The following AUTS2 variants were observed in gnomAD, a reference collection of about 807,000 sequenced individuals.
AUTS2 encodes activator of transcription and developmental regulator AUTS2.
AUTS2 carries 17 observed loss-of-function variants against 112.4 expected under a neutral mutation model. That is an observed-to-expected ratio of 0.15 (90% confidence interval 0.10 to 0.23). The LOEUF (loss-of-function observed/expected upper bound fraction) is 0.23. Ranked by LOEUF, AUTS2 falls within the 10% of genes least tolerant of loss-of-function variation. The pLI, the probability that AUTS2 is intolerant of heterozygous loss-of-function variation, is 1.00. For synonymous variants in AUTS2, 751 were observed against 702.7 expected, an observed-to-expected ratio of 1.07 and a Z score of -1.09; for missense variants, 1,510 against 1,701.6, an observed-to-expected ratio of 0.89 and a Z score of 1.98.
rs182412555 is a variant in AUTS2, at chr7:70,134,641, T to G, written c.660+70T>G. 1.0e-5 allele frequency: 14 copies of G among 1,390,560 alleles called. No homozygotes were observed. In the East Asian group the frequency reaches 3.2e-4, roughly 32 times the overall value. The allele number at this position is 1,390,560 out of a possible 1,614,324, so 86.1% of individuals were successfully genotyped here. On this transcript the variant is annotated intron_variant, in intron 4 of 18. Coordinates refer to ENST00000342771, the MANE Select transcript of AUTS2 (RefSeq NM_015570.4). ...GATTTCCTTCTATAATGAATGCTCA[T>G]TGGGATATGAAAAAAAATCTGAGAA...
In AUTS2 at chr7:69,886,377, T is replaced by G. The variant is rs1202621081; in HGVS notation, c.310-12909T>G. Among the ~76,000 whole-genome samples the G allele has an allele frequency of 2.0e-5, 3 of 152,240 alleles. No homozygotes were observed. The East Asian group carries it at 5.8e-4, about 29-fold the overall frequency. On this transcript the variant is annotated intron_variant, in intron 1 of 18. Coordinates refer to ENST00000342771, the MANE Select transcript of AUTS2 (RefSeq NM_015570.4). ...TTTAGTAGTAATTATTCCATAGTTC[T>G]CTAGAAACATGACAAAACCTCTTGA...
At chr7:70,418,183 C>T (rs1185980814) in intron 4 of AUTS2, among the ~76,000 whole-genome samples, 2 of 151,720 alleles carry the variant, frequency 1.3e-5, no homozygotes, top group African/African-American at 4.8e-5. Context: ...AGGGATCCTC[C>T]CACCTCGGCC....
At chr7:69,981,488 G>A (rs1364760742) in intron 2 of AUTS2, among the ~76,000 whole-genome samples, 1 of 152,134 alleles carries the variant, frequency 6.6e-6, no homozygotes, top group African/African-American at 2.4e-5. Flanking sequence ...AATTTCTAAT[G>A]TTAATACCTA....
At chr7:70,531,039 A>G (rs1302789538) in intron 5 of AUTS2, among the ~76,000 whole-genome samples, 1 of 152,228 alleles carries the variant, frequency 6.6e-6, no homozygotes, top group African/African-American at 2.4e-5. Context: ...AGCAGCTGTG[A>G]CAGACTGTAA....
At chr7:70,703,490 C>CAAAAAA (rs57223380) in intron 6 of AUTS2, among the ~76,000 whole-genome samples, 1 of 98,614 alleles carries the variant, frequency 1.0e-5, no homozygotes, top group African/African-American at 4.0e-5. Context: ...GACACCATTT[C>CAAAAAA]AAAAAAAAAA....
At chr7:70,164,779 T>C (rs1453678499) in intron 4 of AUTS2, among the ~76,000 whole-genome samples, 2 of 152,140 alleles carry the variant, frequency 1.3e-5, no homozygotes, top group Non-Finnish European at 2.9e-5. Context: ...AGAAATATTA[T>C]TTACCTGAGT....
At chr7:69,716,052 C>T (rs995396374) in intron 1 of AUTS2, among the ~76,000 whole-genome samples, 5 of 152,134 alleles carry the variant, frequency 3.3e-5, no homozygotes, top group Non-Finnish European at 5.9e-5. Flanking sequence ...GGGAAATGGT[C>T]GCCAAATCCT....
At position 69,897,346 on chromosome 7, in the gene AUTS2, C is replaced by T. The variant is rs531098526; in HGVS notation, c.310-1940C>T. 2.0e-5 allele frequency among the ~76,000 whole-genome samples: 3 copies of T among 152,276 alleles called. No individual in the cohort carries two copies. The South Asian group carries it at 6.2e-4, about 32-fold the overall frequency. ...TTATAAACAAGAAACATTTATTTCTCACAGTTCTGGAGGCTGGGAAGTCCA... is the reference window on the plus strand; with the variant it reads ...TTATAAACAAGAAACATTTATTTCTTACAGTTCTGGAGGCTGGGAAGTCCA... On this transcript the variant is annotated intron_variant, in intron 1 of 18. Coordinates refer to ENST00000342771, the MANE Select transcript of AUTS2 (RefSeq NM_015570.4).
intron 4 of AUTS2, among the ~76,000 whole-genome samples, chr7:70,230,384 T>A (rs540551243): frequency 6.6e-6 from 1 of 152,312 alleles, no homozygotes; most frequent in South Asian, 2.1e-4. Context: ...CCTTACCACT[T>A]ATATAAGCCT....
chr7:70,595,364 G>A (rs1056848705), intron 5 of AUTS2, among the ~76,000 whole-genome samples: 1 of 152,066 alleles, frequency 6.6e-6, no homozygotes, highest in Non-Finnish European at 1.5e-5. Context: ...CAGGGGCGGG[G>A]GAGTTTCTGA....
intron 1 of AUTS2, among the ~76,000 whole-genome samples, chr7:69,765,148 C>G (rs1788364256): frequency 6.6e-6 from 1 of 152,194 alleles, no homozygotes; most frequent in South Asian, 2.1e-4. Context: ...CTTCTCTCCA[C>G]TGGGCGGATT....
chr7:70,525,130 G>A lies in AUTS2; in HGVS notation c.690+89349G>A, dbSNP rs533907092. 8.1e-4 allele frequency among the ~76,000 whole-genome samples: 123 copies of A among 152,264 alleles called. 5 individuals carry two copies. In the South Asian group the frequency reaches 0.017, roughly 22 times the overall value. ...TCTATAGCTTTCCTGACAGACAGTCGGATAGCACCTGCCTGTACCTCCAGG... is the reference window on the plus strand; with the variant it reads ...TCTATAGCTTTCCTGACAGACAGTCAGATAGCACCTGCCTGTACCTCCAGG... On this transcript the variant is annotated intron_variant, in intron 5 of 18. Transcript: ENST00000342771.
chr7:70,331,323 G>A lies in AUTS2; in HGVS notation c.661-104429G>A, dbSNP rs548864779. Among the ~76,000 whole-genome samples the A allele has an allele frequency of 1.7e-3, 264 of 152,194 alleles. 8 individuals carry two copies. The South Asian group carries it at 0.051, about 30-fold the overall frequency. Reference sequence around the variant, plus strand: ...TTATCCATTTCTTCTAGATTTTCTAGTTTATTTGCATAGAGGTATTTATAG... The same window carrying A: ...TTATCCATTTCTTCTAGATTTTCTAATTTATTTGCATAGAGGTATTTATAG... On this transcript the variant is annotated intron_variant, in intron 4 of 18. Coordinates refer to ENST00000342771, the MANE Select transcript of AUTS2 (RefSeq NM_015570.4).
At chr7:69,613,817 A>G (rs1224459033) in intron 1 of AUTS2, among the ~76,000 whole-genome samples, 1 of 152,184 alleles carries the variant, frequency 6.6e-6, no homozygotes, top group Non-Finnish European at 1.5e-5. Context: ...TAGGAACTCT[A>G]TTCTTTCTGG....
At chr7:70,617,919 T>C (rs1477062228) in intron 5 of AUTS2, among the ~76,000 whole-genome samples, 7 of 152,226 alleles carry the variant, frequency 4.6e-5, no homozygotes, top group Non-Finnish European at 8.8e-5. Flanking sequence ...TCAAGATCGC[T>C]ACTTTTGCCC....
rs1805285933 is a variant in AUTS2 at position 70,631,982 on chromosome 7, A to G, written c.691-66587A>G. 6.6e-6 allele frequency among the ~76,000 whole-genome samples: 1 copy of G among 151,838 alleles called. No homozygotes were observed. Among genetic ancestry groups the G allele is most frequent in the Non-Finnish European group, 1.5e-5 (1 of 68,002 alleles). ...GACCCGATCTGCCGTCCTGGTGGGC[A>G]GCAGGTGTGAGCGCCTGCCATTGTC... On this transcript the variant is annotated intron_variant, in intron 5 of 18. Coordinates refer to ENST00000342771, the MANE Select transcript of AUTS2 (RefSeq NM_015570.4). This position sits in a 1 kb window ranked among gnomAD's most constrained non-coding sequence, Gnocchi z 4.5.
chr7:70,517,801 G>A (rs1382557767), intron 5 of AUTS2, among the ~76,000 whole-genome samples: 1 of 151,798 alleles, frequency 6.6e-6, no homozygotes, highest in Non-Finnish European at 1.5e-5. Context: ...TCATTTGTAT[G>A]TATACATATA....
chr7:70,644,946 G>T (rs1054165403), intron 5 of AUTS2, among the ~76,000 whole-genome samples: 1 of 152,106 alleles, frequency 6.6e-6, no homozygotes, highest in Non-Finnish European at 1.5e-5. Context: ...TTTCCTAAAC[G>T]CTGGTGGCTT....
chr7:70,707,962 C>T (rs1006127332), intron 6 of AUTS2, among the ~76,000 whole-genome samples: 1 of 152,166 alleles, frequency 6.6e-6, no homozygotes, highest in Non-Finnish European at 1.5e-5. Flanking sequence ...CTCTGACCCT[C>T]GTAAACCTTG....
Sources: gnomAD v4.1 joint callset for allele counts (sites outside exome capture counted in the v4.1 genomes callset) on GRCh38, gnomAD v4.1.1 for gene constraint, Gnocchi (gnomAD v3.1) non-coding constraint, MANE v1.5 for transcripts, NCBI Gene and HGNC (gene_info 2026-07-23, HGNC 2026-07-21) for gene names.